PHIP: variants seen among roughly 807,000 people sequenced by gnomAD.
PHIP encodes the protein PHIP subunit of CUL4-Ring ligase complex, also known as PH-interacting protein.
Under a neutral mutation model 236.8 loss-of-function variants are expected in PHIP, and 54 were observed. The ratio of observed to expected loss-of-function variants is 0.23; its 90% CI spans 0.18 to 0.29. PHIP has a LOEUF of 0.29. Ranked by LOEUF, PHIP falls within the 10% of genes least tolerant of loss-of-function variation. The pLI, the probability that PHIP is intolerant of heterozygous loss-of-function variation, is 1.00. For synonymous variants in PHIP, 756 were observed against 718.9 expected, an observed-to-expected ratio of 1.05 and a Z score of -0.83; for missense variants, 1,370 against 2,190.8, an observed-to-expected ratio of 0.63 and a Z score of 7.48.
At chr6:79,048,348 T>G (rs922159747) in intron 6 of PHIP, among the ~76,000 whole-genome samples, 1 of 152,038 alleles carries the variant, frequency 6.6e-6, no homozygotes, top group South Asian at 2.1e-4. Context: ...ACTACATCAT[T>G]TGAACCAAGT....
chr6:78,967,483 C>T (rs72902857), intron 27 of PHIP, among the ~76,000 whole-genome samples: 2,152 of 152,232 alleles, frequency 0.014, 34 homozygotes, highest in South Asian at 0.038. Context: ...AAGCAAAGAA[C>T]CTGGACTACT....
chr6:78,969,776 C>A (rs1767401061), intron 27 of PHIP, 59 bp downstream of exon 27: 1 of 747,756 alleles, frequency 1.3e-6, no homozygotes, highest in South Asian at 2.0e-5. Context: ...AATAGTAAAT[C>A]ACTTACTAAG....
chr6:78,993,688 A>T (rs544304890), intron 19 of PHIP, among the ~76,000 whole-genome samples: 212 of 152,300 alleles, frequency 1.4e-3, no homozygotes, highest in African/African-American at 4.8e-3. Flanking sequence ...TACTCGGAAA[A>T]CATGATTGCT....
At chr6:79,073,833 G>A (rs1774016828) in intron 4 of PHIP, among the ~76,000 whole-genome samples, 3 of 151,970 alleles carry the variant, frequency 2.0e-5, no homozygotes, top group Admixed American at 1.3e-4. Flanking sequence ...ACCAAAGAAT[G>A]GCACTATGAA....
rs541887378 is a variant in PHIP, at chr6:79,054,794, T to C, written c.439+5684A>G. ...GCTACAGAAAATTCAAACACAATAT[T>C]GGAAATATGGCAAAATATAGCACAA... On this transcript the variant is annotated intron_variant, in intron 6 of 39. Transcript: ENST00000275034. Among the ~76,000 whole-genome samples, 15 of 152,052 alleles carry C rather than the reference T, an allele frequency of 9.9e-5. No homozygotes were observed. The South Asian group carries it at 2.9e-3, about 29-fold the overall frequency.
chr6:78,944,426 G>A (rs1773691245), intron 39 of PHIP, among the ~76,000 whole-genome samples: 1 of 152,186 alleles, frequency 6.6e-6, no homozygotes, highest in African/African-American at 2.4e-5. Flanking sequence ...ACTGAGGCAG[G>A]AAGACCAGTT....
chr6:79,015,275 C>G (rs1311507451), intron 14 of PHIP, 59 bp from the exon 15 acceptor site: 10 of 1,369,932 alleles, frequency 7.3e-6, no homozygotes, highest in Non-Finnish European at 1.0e-5. Flanking sequence ...GAAAAACAAA[C>G]ATAATGAAAT....
At chr6:79,030,790 T>C (rs1771630792) in intron 7 of PHIP, among the ~76,000 whole-genome samples, 1 of 151,570 alleles carries the variant, frequency 6.6e-6, no homozygotes, top group African/African-American at 2.4e-5. Context: ...TGGAAAACTA[T>C]GAACAGGTTT....
intron 20 of PHIP, 39 bp downstream of exon 20, chr6:78,990,829 A>G: frequency 8.4e-7 from 1 of 1,185,454 alleles, no homozygotes; most frequent in Non-Finnish European, 1.2e-6. Context: ...CACTATACTT[A>G]AGAAGCAAAT....
chr6:79,049,478 T>C (rs1329303405), intron 6 of PHIP, among the ~76,000 whole-genome samples: 1 of 152,174 alleles, frequency 6.6e-6, no homozygotes, highest in East Asian at 1.9e-4. Context: ...ACTACAGAAA[T>C]GATTCCTAAA....
chr6:78,970,731 A>C, intron 25 of PHIP, 50 bp downstream of exon 25: 1 of 1,203,170 alleles, frequency 8.3e-7, no homozygotes, highest in Non-Finnish European at 1.2e-6. Context: ...TTTTCTCCAA[A>C]TTCCATAATT....
Position 78,963,371 on chromosome 6 carries a change from A to C in PHIP, c.3380-119T>G. The C allele has an allele frequency of 2.9e-6, 2 of 682,056 alleles. 1 individual carries two copies. The highest frequency in any genetic ancestry group is 6.7e-5 in the East Asian group (2 of 29,836). The allele number at this position is 682,056 out of a possible 1,614,324, so 42.3% of individuals were successfully genotyped here. On this transcript the variant is annotated intron_variant, in intron 29 of 39. Transcript: ENST00000275034. ...GTATATTTTGTATAGATTTGTAAATATACTCTTTATTTTAACAAAGGAAAG... is the reference window on the plus strand; with the variant it reads ...GTATATTTTGTATAGATTTGTAAATCTACTCTTTATTTTAACAAAGGAAAG...
intron 15 of PHIP, 95 bp downstream of exon 15, chr6:79,014,987 A>AT: frequency 1.0e-6 from 1 of 1,001,942 alleles, no homozygotes; most frequent in Non-Finnish European, 1.5e-6. Flanking sequence ...TAATGAACCA[A>AT]TTTTTAAATG....
rs549084532 is a variant in PHIP, at chr6:79,004,822, TAAA to T, written c.1525-967_1525-965del. Among the ~76,000 whole-genome samples the T allele has an allele frequency of 3.0e-4, 45 of 152,154 alleles. No individual in the cohort carries two copies. In the South Asian group the frequency reaches 9.1e-3, roughly 31 times the overall value. ...GGTAGTAACTTTCTTTCTTTAGTAT[TAAA>T]AATGTGGCATAAGGATGGATGTACA... is the stretch of plus-strand genomic sequence containing the variant. On this transcript the variant is annotated intron_variant, in intron 15 of 39. Transcript: ENST00000275034.
Position 78,954,446 on chromosome 6 carries a change from C to T in PHIP, c.4053+368G>A, listed in dbSNP as rs138097147. Among the ~76,000 whole-genome samples the T allele has an allele frequency of 6.3e-4, 96 of 152,140 alleles. 1 individual carries two copies. The South Asian group carries it at 8.1e-3, about 13-fold the overall frequency. Reference sequence around the variant, plus strand: ...TATATTCTCTTTACATCTCCATAATCCTGTAAGGACGTAGGCATTATTCTT... The same window carrying T: ...TATATTCTCTTTACATCTCCATAATTCTGTAAGGACGTAGGCATTATTCTT... On this transcript the variant is annotated intron_variant, in intron 35 of 39. Coordinates refer to ENST00000275034, the MANE Select transcript of PHIP (RefSeq NM_017934.7).
At chr6:79,070,533 A>C (rs1012606668) in intron 4 of PHIP, among the ~76,000 whole-genome samples, 1 of 152,208 alleles carries the variant, frequency 6.6e-6, no homozygotes, top group Non-Finnish European at 1.5e-5. Context: ...TATTTCTTGC[A>C]TTATACTATA....
At chr6:78,970,949 G>A in intron 24 of PHIP, 61 bp from the exon 25 acceptor site, 3 of 1,102,512 alleles carry the variant, frequency 2.7e-6, no homozygotes, top group South Asian at 1.5e-5. Context: ...AATATACAGG[G>A]TATCAGCTGA....
chr6:78,974,689 A>G (rs1391693397), intron 24 of PHIP, among the ~76,000 whole-genome samples: 1 of 152,212 alleles, frequency 6.6e-6, no homozygotes, highest in Non-Finnish European at 1.5e-5. Context: ...GATAAAGGGG[A>G]TATCACCACC....
chr6:78,963,072 T>C (rs765640668), intron 30 of PHIP, 25 bp downstream of exon 30: 2 of 1,543,558 alleles, frequency 1.3e-6, no homozygotes, highest in East Asian at 2.3e-5. Flanking sequence ...CAGTTTTTTC[T>C]ATACTCGCGT....
Sources: allele counts gnomAD v4.1 joint callset (sites outside exome capture counted in the v4.1 genomes callset), GRCh38; gene constraint gnomAD v4.1.1; transcripts MANE v1.5; gene names NCBI Gene and HGNC (gene_info 2026-07-23, HGNC 2026-07-21).